AOX1: variants seen among roughly 807,000 people sequenced by gnomAD.
AOX1 encodes the protein aldehyde oxidase.
AOX1 carries 153 observed loss-of-function variants against 169.5 expected under a neutral mutation model. That is an observed-to-expected ratio of 0.90 (90% CI 0.79 to 1.03). The LOEUF is 1.03. Ranked by LOEUF, AOX1 falls within the 50% of genes least tolerant of loss-of-function variation. AOX1 has a pLI of 0.00. For missense variants in AOX1, 1,656 were observed against 1,663.9 expected, an observed-to-expected ratio of 1.00 and a Z score of 0.08; for synonymous variants, 562 against 581.9, an observed-to-expected ratio of 0.97 and a Z score of 0.49.
In AOX1 at chr2:200,612,724, G is replaced by T; in HGVS notation, c.1379G>T (p.Cys460Phe). Residue 460 changes from cysteine to phenylalanine, a missense_variant, in exon 14 of 35, where the codon TGC becomes TTC. Physicochemically the swap from Cys to Phe is radical, Grantham distance 205. Coordinates refer to ENST00000374700, the MANE Select transcript of AOX1 (RefSeq NM_001159.4). Reference sequence around the variant, plus strand: ...GGGGATGGCATTATTAGAGAGTTATGCATCTCATATGGAGGCGTTGGTCCA... The same window carrying T: ...GGGGATGGCATTATTAGAGAGTTATTCATCTCATATGGAGGCGTTGGTCCA... ...GEGDGIIREL[C>F]ISYGGVGPAT... is the part of the protein sequence containing the mutation. The T allele has an allele frequency of 6.2e-7, 1 of 1,614,054 alleles. No homozygotes were observed. Among genetic ancestry groups the T allele is most frequent in the Non-Finnish European group, 8.5e-7 (1 of 1,179,978 alleles).
intron 19 of AOX1, among the ~76,000 whole-genome samples, chr2:200,626,351 A>G (rs2035004170): frequency 6.6e-6 from 1 of 152,180 alleles, no homozygotes; most frequent in East Asian, 1.9e-4. Flanking sequence ...TTGTCTAGAC[A>G]CCTACTGGTG....
At chr2:200,607,522 G>A (rs1356901756) in intron 10 of AOX1, among the ~76,000 whole-genome samples, 1 of 152,188 alleles carries the variant, frequency 6.6e-6, no homozygotes, top group Non-Finnish European at 1.5e-5. Context: ...GTTGGTAGGG[G>A]TGTAAATTAA....
intron 21 of AOX1, among the ~76,000 whole-genome samples, chr2:200,635,689 T>A (rs1467849946): frequency 6.6e-6 from 1 of 152,156 alleles, no homozygotes; most frequent in Non-Finnish European, 1.5e-5. Flanking sequence ...CTACGCAGCA[T>A]GCATGGAAGG....
At chr2:200,619,166 T>C (rs2034830037) in intron 16 of AOX1, among the ~76,000 whole-genome samples, 1 of 152,206 alleles carries the variant, frequency 6.6e-6, no homozygotes, top group Non-Finnish European at 1.5e-5. Flanking sequence ...TCTTCTTTTT[T>C]CTCCCAGTAA....
chr2:200,652,277 G>C (rs1213267663), intron 26 of AOX1, among the ~76,000 whole-genome samples: 2 of 152,124 alleles, frequency 1.3e-5, no homozygotes, highest in Non-Finnish European at 2.9e-5. Flanking sequence ...CAGGTGGTAG[G>C]TCAGAGAAGT....
intron 5 of AOX1, among the ~76,000 whole-genome samples, chr2:200,601,167 A>G (rs1343812566): frequency 6.7e-6 from 1 of 150,372 alleles, no homozygotes; most frequent in Non-Finnish European, 1.5e-5. Flanking sequence ...AACAACGTAA[A>G]TGAACCTGGA....
rs780191303 is a variant in AOX1 at position 200,669,571 on chromosome 2, C to A, written c.3799-4C>A. 1 of 1,613,606 alleles carries A rather than the reference C, an allele frequency of 6.2e-7. No homozygotes were observed. The highest frequency in any genetic ancestry group is 8.5e-7 in the Non-Finnish European group (1 of 1,179,872). On this transcript the variant is annotated splice_polypyrimidine_tract_variant and splice_region_variant and intron_variant, in intron 33 of 34. Transcript: ENST00000374700. ...ATAATCTAGTTGGCATGCTTCCTTTCAAGGGTCTGGGAGAGTCGGGGGTGT... is the reference window on the plus strand; with the variant it reads ...ATAATCTAGTTGGCATGCTTCCTTTAAAGGGTCTGGGAGAGTCGGGGGTGT...
intron 3 of AOX1, among the ~76,000 whole-genome samples, chr2:200,597,125 T>A (rs2034299277): frequency 6.6e-6 from 1 of 152,172 alleles, no homozygotes; most frequent in Non-Finnish European, 1.5e-5. Flanking sequence ...CAGTTTTTGA[T>A]AAGTGGACAC....
At chr2:200,613,029 A>AGT (rs2034678044) in intron 14 of AOX1, among the ~76,000 whole-genome samples, 1 of 109,814 alleles carries the variant, frequency 9.1e-6, no homozygotes, top group East Asian at 2.9e-4. Flanking sequence ...TGTGTGTGTG[A>AGT]GAGAGAGAGA....
downstream of AOX1, among the ~76,000 whole-genome samples, chr2:200,677,923 T>G (rs1246330638): frequency 6.6e-6 from 1 of 152,086 alleles, no homozygotes; most frequent in African/African-American, 2.4e-5. Context: ...CTCAGAGTGG[T>G]TATGTAACGT....
chr2:200,639,835 G>C (rs2035315039), intron 23 of AOX1, among the ~76,000 whole-genome samples: 1 of 151,992 alleles, frequency 6.6e-6, no homozygotes, highest in South Asian at 2.1e-4. Context: ...AGGAGTTAGA[G>C]ACCAGCCTGG....
chr2:200,668,233 G>A (rs1242461745), intron 32 of AOX1, among the ~76,000 whole-genome samples: 2 of 151,870 alleles, frequency 1.3e-5, no homozygotes, highest in Non-Finnish European at 2.9e-5. Flanking sequence ...AGCCTCCCGA[G>A]TAGCTGGAAT....
rs377738497 is a variant in AOX1, at chr2:200,586,089, G to A, written c.-20G>A. On this transcript the variant is annotated 5_prime_UTR_variant, in exon 1 of 35. Transcript: ENST00000374700. ...CCTCCGCCTCCCGCTCCGGGCCCTC[G>A]AACCAGCGCGGACACCACAATGGAC... 2.6e-5 allele frequency: 41 copies of A among 1,552,638 alleles called. No homozygotes were observed. In the African/African-American group the frequency reaches 3.7e-4, roughly 14 times the overall value.
At chr2:200,647,428 G>A (rs2105753832) in intron 25 of AOX1, among the ~76,000 whole-genome samples, 1 of 152,294 alleles carries the variant, frequency 6.6e-6, no homozygotes, top group South Asian at 2.1e-4. Context: ...ATCCTTTCTA[G>A]CTTGTAGGGT....
intron 19 of AOX1, 73 bp from the exon 20 acceptor site, chr2:200,627,280 C>A: frequency 1.1e-6 from 1 of 924,182 alleles, no homozygotes; most frequent in Non-Finnish European, 1.8e-6. Flanking sequence ...AGAGGATGTG[C>A]AGTGGGGTGT....
At chr2:200,596,933 G>C (rs1348516263) in intron 3 of AOX1, among the ~76,000 whole-genome samples, 3 of 152,054 alleles carry the variant, frequency 2.0e-5, no homozygotes, top group African/African-American at 7.3e-5. Context: ...TTTGTACTAA[G>C]GCACCAGTTT....
intron 19 of AOX1, among the ~76,000 whole-genome samples, chr2:200,626,487 G>T (rs1351710974): frequency 1.3e-5 from 2 of 152,208 alleles, no homozygotes; most frequent in African/African-American, 4.8e-5. Context: ...GTGGACACAT[G>T]GATTACTGCA....
At chr2:200,650,199 C>G (rs1459481395) in intron 25 of AOX1, among the ~76,000 whole-genome samples, 2 of 152,204 alleles carry the variant, frequency 1.3e-5, no homozygotes, top group African/African-American at 4.8e-5. Context: ...TACATCCTTC[C>G]CTTCATTCCC....
chr2:200,634,463 C>T (rs756100913), intron 20 of AOX1, among the ~76,000 whole-genome samples: 10 of 152,080 alleles, frequency 6.6e-5, no homozygotes, highest in South Asian at 4.1e-4. Flanking sequence ...TGGAAGCCTC[C>T]GCATTCTCAC....
Sources: gnomAD v4.1 joint callset for allele counts (sites outside exome capture counted in the v4.1 genomes callset) on GRCh38, gnomAD v4.1.1 for gene constraint, MANE v1.5 for transcripts, NCBI Gene and HGNC (gene_info 2026-07-23, HGNC 2026-07-21) for gene names.